Variants in BLACAT1 observed in about 807,000 individuals in gnomAD.
BLACAT1 encodes the protein BLACAT1 overlapping LEMD1 locus.
intron 1 of BLACAT1, among the ~76,000 whole-genome samples, chr1:205,449,026 ATC>A (rs1666451262): frequency 6.6e-6 from 1 of 152,032 alleles, no homozygotes; most frequent in Non-Finnish European, 1.5e-5. Flanking sequence ...GGAGAGTGAG[ATC>A]TCTGTCTCCA....
At chr1:205,453,519 G>A (rs924701492) in intron 1 of BLACAT1, among the ~76,000 whole-genome samples, 5 of 152,132 alleles carry the variant, frequency 3.3e-5, no homozygotes, top group Non-Finnish European at 7.3e-5. Context: ...GTTGTTCCAG[G>A]AGCCTCAGTT....
At chr1:205,446,816 C>A (rs556715083) in intron 1 of BLACAT1, among the ~76,000 whole-genome samples, 1 of 152,290 alleles carries the variant, frequency 6.6e-6, no homozygotes, top group South Asian at 2.1e-4. Context: ...AATTCTCATG[C>A]CTTGTTCCTT....
rs576074801 is a variant in BLACAT1 at position 205,450,685 on chromosome 1, C to T, written c.-37+5232G>A. 2.0e-5 allele frequency among the ~76,000 whole-genome samples: 3 copies of T among 152,334 alleles called. No individual in the cohort carries two copies. Among genetic ancestry groups the T allele is most frequent in the Non-Finnish European group, 2.9e-5 (2 of 68,022 alleles). On this transcript the variant is annotated intron_variant, in intron 1 of 1. Coordinates refer to ENST00000629624, the Ensembl canonical transcript of BLACAT1. The surrounding 1 kb of genome is among the most constrained non-coding windows in gnomAD (Gnocchi z 4.4). ...ATCCCTGGGCACATGAAGGGCTCAG[C>T]CCCTGGCCTGCCTACCAATCCCAGC...
intron 1 of BLACAT1, among the ~76,000 whole-genome samples, chr1:205,443,996 G>A (rs1482077664): frequency 6.6e-6 from 1 of 152,156 alleles, no homozygotes; most frequent in Non-Finnish European, 1.5e-5. Flanking sequence ...CCTTGGCAGA[G>A]GGCTCCAGTA....
downstream of BLACAT1, among the ~76,000 whole-genome samples, chr1:205,438,208 GC>G (rs1215368137): frequency 1.3e-5 from 2 of 152,148 alleles, no homozygotes; most frequent in Non-Finnish European, 2.9e-5. Context: ...GGGAAAACTG[GC>G]CCCCTCACCC....
chr1:205,444,580 A>G (rs571302460), intron 1 of BLACAT1, among the ~76,000 whole-genome samples: 1 of 152,252 alleles, frequency 6.6e-6, no homozygotes, highest in East Asian at 1.9e-4. Context: ...CAGAGACAGC[A>G]TGAACATGTG....
At chr1:205,451,717 G>C (rs1470835235) in intron 1 of BLACAT1, among the ~76,000 whole-genome samples, 1 of 151,978 alleles carries the variant, frequency 6.6e-6, no homozygotes, top group South Asian at 2.1e-4. Context: ...AAACTCAATG[G>C]GAGAAAAAAG....
At chr1:205,449,617 G>GCACGC (rs1666460484) in intron 1 of BLACAT1, among the ~76,000 whole-genome samples, 1 of 151,998 alleles carries the variant, frequency 6.6e-6, no homozygotes, top group Admixed American at 6.6e-5. Flanking sequence ...AGCACAGCAC[G>GCACGC]CCCCTCCACA....
At position 205,439,960 on chromosome 1, in the gene BLACAT1, C is replaced by T. The variant is rs541107248; in HGVS notation, c.*965G>A. ...GCAGAGGCTGAAGCTGGAAGGTTGG[C>T]GGGGGTGGGGGATGAGGGAAAAAGT... is the stretch of plus-strand genomic sequence containing the variant. On this transcript the variant is annotated 3_prime_UTR_variant, in exon 2 of 2. Transcript: ENST00000629624. Among the ~76,000 whole-genome samples, 5 of 98,578 alleles carry T rather than the reference C, an allele frequency of 5.1e-5. 1 individual carries two copies. In the South Asian group the frequency reaches 1.4e-3, roughly 29 times the overall value. 64.7% of individuals were successfully genotyped at this position (98,578 alleles called of 152,430 possible). A position where few individuals can be genotyped will look rare whatever the true frequency, so the allele number is the denominator to read the frequency against.
At chr1:205,438,960 C>A (rs1666251583), downstream of BLACAT1, among the ~76,000 whole-genome samples, 1 of 152,240 alleles carries the variant, frequency 6.6e-6, no homozygotes, top group Non-Finnish European at 1.5e-5. Context: ...ACTTTCCTAA[C>A]CTTTCCTCCT....
chr1:205,442,362 C>A (rs1461139000), intron 1 of BLACAT1, among the ~76,000 whole-genome samples: 2 of 152,248 alleles, frequency 1.3e-5, no homozygotes, highest in African/African-American at 2.4e-5. Flanking sequence ...CCCAGCAAGG[C>A]ACATGTGCAA....
rs1666440950 is a variant in BLACAT1 at position 205,448,445 on chromosome 1, C to T, written c.-36-7383G>A. ...CTCATAGGGAAGCGAGAAGCTGGGG[C>T]ACCCGAGAAGCCCTCACTCCCCTTC... On this transcript the variant is annotated intron_variant, in intron 1 of 1. Coordinates refer to ENST00000629624, the Ensembl canonical transcript of BLACAT1. This position sits in a 1 kb window ranked among gnomAD's most constrained non-coding sequence, Gnocchi z 4.7. 1.9e-6 allele frequency: 1 copy of T among 530,484 alleles called. No homozygotes were observed. Among genetic ancestry groups the T allele is most frequent in the African/African-American group, 1.9e-5 (1 of 51,826 alleles). The allele number at this position is 530,484 out of a possible 1,614,324, so 32.9% of individuals were successfully genotyped here.
chr1:205,446,530 G>A (rs1666392035), intron 1 of BLACAT1, among the ~76,000 whole-genome samples: 1 of 152,224 alleles, frequency 6.6e-6, no homozygotes, highest in African/African-American at 2.4e-5. Flanking sequence ...GCCCAGTGCT[G>A]GGGACTACCC....
In BLACAT1 at chr1:205,450,057, A is replaced by T. The variant is rs1413948758; in HGVS notation, c.-37+5860T>A. 1 of 151,200 alleles carries T rather than the reference A, an allele frequency of 6.6e-6. No individual in the cohort carries two copies. The highest frequency in any genetic ancestry group is 2.0e-4 in the East Asian group (1 of 5,056). The allele number at this position is 151,200 out of a possible 1,614,324, so 9.4% of individuals were successfully genotyped here. A position where few individuals can be genotyped will look rare whatever the true frequency, so the allele number is the denominator to read the frequency against. ...GCCAGGGCTGAGCTGTACCCAACTC[A>T]ACTTGACTCACTTGTGACCGGCCCC... On this transcript the variant is annotated intron_variant, in intron 1 of 1. Transcript: ENST00000629624. This position sits in a 1 kb window ranked among gnomAD's most constrained non-coding sequence, Gnocchi z 4.4.
chr1:205,449,616 C>CA (rs1666460333), intron 1 of BLACAT1, among the ~76,000 whole-genome samples: 1 of 150,128 alleles, frequency 6.7e-6, no homozygotes, highest in Admixed American at 6.6e-5. Context: ...CAGCACAGCA[C>CA]GCCCCTCCAC....
intron 1 of BLACAT1, among the ~76,000 whole-genome samples, chr1:205,443,475 C>G (rs1171821289): frequency 2.0e-5 from 3 of 152,058 alleles, no homozygotes; most frequent in Non-Finnish European, 4.4e-5. Context: ...GTCACAGGAA[C>G]CAGAACCTAC....
chr1:205,447,080 C>T (rs1666405155), intron 1 of BLACAT1, among the ~76,000 whole-genome samples: 1 of 152,244 alleles, frequency 6.6e-6, no homozygotes, highest in South Asian at 2.1e-4. Flanking sequence ...CCCTGGTTTT[C>T]AGAGTACTTT....
At chr1:205,443,575 G>A (rs1218288094) in intron 1 of BLACAT1, among the ~76,000 whole-genome samples, 1 of 152,192 alleles carries the variant, frequency 6.6e-6, no homozygotes, top group Admixed American at 6.5e-5. Flanking sequence ...AGGGCTGGCT[G>A]CCTCAGTGGG....
chr1:205,451,917 TAGG>T (rs1666502439), intron 1 of BLACAT1, among the ~76,000 whole-genome samples: 1 of 151,910 alleles, frequency 6.6e-6, no homozygotes. Flanking sequence ...GAGGAGAGGG[TAGG>T]AGAAGCCTGA....
Sources: allele counts gnomAD v4.1 joint callset (sites outside exome capture counted in the v4.1 genomes callset), GRCh38; gene constraint gnomAD v4.1.1; non-coding constraint Gnocchi (gnomAD v3.1); transcripts MANE v1.5; gene names NCBI Gene and HGNC (gene_info 2026-07-23, HGNC 2026-07-21).